MCU: variants seen among roughly 807,000 people sequenced by gnomAD.
MCU encodes calcium uniporter protein, mitochondrial.
A neutral mutation model predicts 45.2 loss-of-function variants in MCU; 12 were observed. The observed-to-expected ratio is 0.27, with a 90% CI of 0.17 to 0.43. MCU has a LOEUF of 0.43. MCU is among the 20% of genes least tolerant of loss of function. MCU has a pLI of 1.00. For synonymous variants in MCU, 160 were observed against 165.1 expected (o/e 0.97, Z 0.24); for missense variants, 324 against 436.7 (o/e 0.74, Z 2.30).
At chr10:72,750,091 A>C (rs1843473288) in intron 1 of MCU, among the ~76,000 whole-genome samples, 1 of 151,732 alleles carries the variant, frequency 6.6e-6, no homozygotes, top group East Asian at 1.9e-4. Flanking sequence ...AGCCTTTGCT[A>C]CCTTCTTTTT....
chr10:72,884,495 T>G, intron 7 of MCU, 113 bp downstream of exon 7: 1 of 655,546 alleles, frequency 1.5e-6, no homozygotes, highest in Non-Finnish European at 2.7e-6. Flanking sequence ...CCAACCCTCT[T>G]CTTCCTGTAT....
intron 1 of MCU, among the ~76,000 whole-genome samples, chr10:72,755,146 ATTTT>A (rs11397520): frequency 1.6e-5 from 2 of 123,676 alleles, no homozygotes; most frequent in Non-Finnish European, 1.6e-5. Flanking sequence ...TGAACCTGAG[ATTTT>A]TTTTTTTTTT....
At chr10:72,832,210 C>T (rs908077928) in intron 1 of MCU, among the ~76,000 whole-genome samples, 4 of 152,034 alleles carry the variant, frequency 2.6e-5, no homozygotes, top group Non-Finnish European at 4.4e-5. Flanking sequence ...CTGTGATTAC[C>T]GGCGTGAACT....
At position 72,778,794 on chromosome 10, in the gene MCU, T is replaced by C. The variant is rs1254440102; in HGVS notation, c.151-55565T>C. 2.0e-5 allele frequency among the ~76,000 whole-genome samples: 3 copies of C among 151,928 alleles called. No homozygotes were observed. In the East Asian group the frequency reaches 5.8e-4, roughly 29 times the overall value. ...AATCACTATCCTTACCAAGTGCACA[T>C]TGAAATAATGTACTAAGCAACAAAG... On this transcript the variant is annotated intron_variant, in intron 1 of 7. Transcript: ENST00000373053.
intron 1 of MCU, among the ~76,000 whole-genome samples, chr10:72,759,196 C>T (rs1037998245): frequency 9.9e-5 from 15 of 152,084 alleles, no homozygotes; most frequent in Admixed American, 7.2e-4. Flanking sequence ...GCCTAGCCCC[C>T]GAGTGAGCAA....
At chr10:72,744,927 GAT>G (rs1843392832) in intron 1 of MCU, among the ~76,000 whole-genome samples, 1 of 152,126 alleles carries the variant, frequency 6.6e-6, no homozygotes, top group Admixed American at 6.5e-5. Flanking sequence ...TTTAGTATAA[GAT>G]AGAGGTTTTT....
chr10:72,745,779 AT>A (rs1254845937), intron 1 of MCU, among the ~76,000 whole-genome samples: 1 of 152,090 alleles, frequency 6.6e-6, no homozygotes, highest in Non-Finnish European at 1.5e-5. Flanking sequence ...CCAGAGCCTC[AT>A]TGTCTTCCTG....
At chr10:72,772,240 A>G (rs1843821052) in intron 1 of MCU, among the ~76,000 whole-genome samples, 2 of 152,212 alleles carry the variant, frequency 1.3e-5, no homozygotes, top group South Asian at 4.1e-4. Context: ...TATGTTCCAT[A>G]AGTCCCATGG....
At chr10:72,799,211 A>C (rs1252026575) in intron 1 of MCU, among the ~76,000 whole-genome samples, 1 of 152,278 alleles carries the variant, frequency 6.6e-6, no homozygotes, top group African/African-American at 2.4e-5. Flanking sequence ...GGCGTGAGCC[A>C]TCACGCCCGG....
chr10:72,742,151 C>T (rs1004671414), intron 1 of MCU, among the ~76,000 whole-genome samples: 2 of 151,454 alleles, frequency 1.3e-5, no homozygotes, highest in African/African-American at 4.9e-5. Context: ...CCAATATTTA[C>T]CATTGTTTTA....
At chr10:72,863,835 T>G (rs1482410215) in intron 4 of MCU, among the ~76,000 whole-genome samples, 2 of 152,144 alleles carry the variant, frequency 1.3e-5, no homozygotes, top group African/African-American at 4.8e-5. Flanking sequence ...AGGCAGGTCT[T>G]GAACTCCTGA....
chr10:72,704,704 A>ACTTTTTTTTTTT (rs1435890480), intron 1 of MCU, among the ~76,000 whole-genome samples: 2 of 106,746 alleles, frequency 1.9e-5, no homozygotes, highest in Non-Finnish European at 1.8e-5. Context: ...TGCCTGGATA[A>ACTTTTTTTTTTT]TTTTTTTTTT....
At chr10:72,796,029 G>C (rs1385772050) in intron 1 of MCU, among the ~76,000 whole-genome samples, 2 of 151,976 alleles carry the variant, frequency 1.3e-5, no homozygotes, top group Non-Finnish European at 2.9e-5. Flanking sequence ...CTCTGTAACT[G>C]TTAGAGCTCA....
At chr10:72,723,799 G>A (rs1394926031) in intron 1 of MCU, among the ~76,000 whole-genome samples, 2 of 152,106 alleles carry the variant, frequency 1.3e-5, no homozygotes, top group African/African-American at 2.4e-5. Context: ...TTCTTTCCTC[G>A]TTTTCACCTG....
chr10:72,810,121 A>G (rs1844517087), intron 1 of MCU, among the ~76,000 whole-genome samples: 1 of 152,134 alleles, frequency 6.6e-6, no homozygotes, highest in Non-Finnish European at 1.5e-5. Context: ...AGTTGGAGAC[A>G]TTAAAGATGC....
rs928246836 is a variant in MCU, at chr10:72,843,010, T to G, written c.220+8582T>G. Among the ~76,000 whole-genome samples, 16 of 152,214 alleles carry G rather than the reference T, an allele frequency of 1.1e-4. No individual in the cohort carries two copies. The East Asian group carries it at 3.1e-3, about 29-fold the overall frequency. ...CAAAAATACTAAAAAGCAGACTTTT[T>G]TAAGAGCAGTTTTATGTTCACATCC... On this transcript the variant is annotated intron_variant, in intron 2 of 7. Transcript: ENST00000373053.
intron 1 of MCU, among the ~76,000 whole-genome samples, chr10:72,781,470 T>G (rs1843993198): frequency 6.6e-6 from 1 of 152,230 alleles, no homozygotes; most frequent in Non-Finnish European, 1.5e-5. Flanking sequence ...GTGGTAAAGA[T>G]TCCACAAAAC....
intron 6 of MCU, among the ~76,000 whole-genome samples, chr10:72,878,020 C>T (rs1245633943): frequency 6.6e-6 from 1 of 151,606 alleles, no homozygotes; most frequent in Non-Finnish European, 1.5e-5. Flanking sequence ...AGTGCTGATG[C>T]TCACAGGTTT....
In MCU at chr10:72,887,070, CTG is replaced by C. The variant is rs889358382; in HGVS notation, c.*1252_*1253del. 40 of 152,436 alleles carry C rather than the reference CTG, an allele frequency of 2.6e-4. No homozygotes were observed. Among genetic ancestry groups the C allele is most frequent in the African/African-American group, 8.7e-4 (36 of 41,566 alleles). 9.4% of individuals were successfully genotyped at this position (152,436 alleles called of 1,614,324 possible). ...TCTGCGCTTGAAGAGTCAAAGGAAT[CTG>C]TGTCTAATATCCTGTTTTTAACTGC... is the stretch of plus-strand genomic sequence containing the variant. On this transcript the variant is annotated 3_prime_UTR_variant, in exon 8 of 8. Coordinates refer to ENST00000373053, the MANE Select transcript of MCU (RefSeq NM_138357.3).
Sources: allele counts gnomAD v4.1 joint callset (sites outside exome capture counted in the v4.1 genomes callset), GRCh38; gene constraint gnomAD v4.1.1; transcripts MANE v1.5; gene names NCBI Gene and HGNC (gene_info 2026-07-23, HGNC 2026-07-21).